Variants in SGCZ observed in about 807,000 individuals in gnomAD.
SGCZ encodes sarcoglycan zeta.
In SGCZ, 40 loss-of-function variants were observed where a neutral mutation model predicts 41.3. That is an observed-to-expected ratio of 0.97 (90% confidence interval 0.75 to 1.26). The LOEUF is 1.26. Among genes scored for constraint, SGCZ ranks in the 50% most tolerant of loss-of-function variants. SGCZ has a pLI of 0.00. For missense variants in SGCZ, 552 were observed against 369.8 expected, an observed-to-expected ratio of 1.49 and a Z score of -4.04; for synonymous variants, 206 against 137.5, an observed-to-expected ratio of 1.50 and a Z score of -3.49.
intron 1 of SGCZ, among the ~76,000 whole-genome samples, chr8:14,570,184 C>A (rs968669160): frequency 1.3e-5 from 2 of 152,072 alleles, no homozygotes; most frequent in Admixed American, 1.3e-4. Context: ...TCAAGCAGAG[C>A]AGGTAGGTGC....
chr8:14,420,565 A>T (rs1799611561), intron 2 of SGCZ, among the ~76,000 whole-genome samples: 2 of 151,936 alleles, frequency 1.3e-5, no homozygotes, highest in African/African-American at 2.4e-5. Flanking sequence ...TTCCTCCTTC[A>T]GTTACCCAAC....
chr8:14,576,136 T>C (rs1234839184), intron 1 of SGCZ, among the ~76,000 whole-genome samples: 5 of 152,294 alleles, frequency 3.3e-5, no homozygotes, highest in East Asian at 1.9e-4. Flanking sequence ...TCTGTTAACT[T>C]GTATGTGAGA....
chr8:15,144,889 C>A (rs923650928), intron 1 of SGCZ, among the ~76,000 whole-genome samples: 2 of 152,192 alleles, frequency 1.3e-5, no homozygotes, highest in African/African-American at 4.8e-5. Context: ...TATTGTGGTG[C>A]TGTATGTAAC....
At chr8:14,578,472 A>C (rs1278936380) in intron 1 of SGCZ, among the ~76,000 whole-genome samples, 1 of 152,218 alleles carries the variant, frequency 6.6e-6, no homozygotes, top group African/African-American at 2.4e-5. Flanking sequence ...CTGTGACCAC[A>C]TGACTAAATA....
intron 4 of SGCZ, among the ~76,000 whole-genome samples, chr8:14,178,271 A>C (rs1446160800): frequency 6.6e-6 from 1 of 151,998 alleles, no homozygotes; most frequent in Non-Finnish European, 1.5e-5. Flanking sequence ...TTTTTCTTAT[A>C]CAGTTCAGTC....
At chr8:14,217,162 G>A (rs1394359477) in intron 4 of SGCZ, among the ~76,000 whole-genome samples, 1 of 151,964 alleles carries the variant, frequency 6.6e-6, no homozygotes, top group Non-Finnish European at 1.5e-5. Flanking sequence ...CCGGCATGGT[G>A]GCAGGCACCT....
At chr8:14,162,209 A>G (rs1205267070) in intron 5 of SGCZ, among the ~76,000 whole-genome samples, 1 of 152,176 alleles carries the variant, frequency 6.6e-6, no homozygotes, top group Non-Finnish European at 1.5e-5. Flanking sequence ...GAAGAAGTGA[A>G]AATTCCATGA....
intron 1 of SGCZ, among the ~76,000 whole-genome samples, chr8:14,809,984 G>A (rs1013398560): frequency 9.2e-5 from 14 of 152,024 alleles, no homozygotes; most frequent in African/African-American, 2.9e-4. Context: ...AGAAACTCAA[G>A]CTGGCATATA....
At chr8:14,102,017 C>T (rs1474699558) in intron 7 of SGCZ, among the ~76,000 whole-genome samples, 7 of 150,798 alleles carry the variant, frequency 4.6e-5, no homozygotes, top group Admixed American at 2.0e-4. Flanking sequence ...CGACATTCTC[C>T]TGCCTCAGCC....
intron 1 of SGCZ, among the ~76,000 whole-genome samples, chr8:14,847,788 T>TAA (rs200291523): frequency 0.016 from 1,690 of 105,042 alleles, 17 homozygotes; most frequent in African/African-American, 0.023. Context: ...TAGTTAATGG[T>TAA]AAAAAAAAAA....
intron 2 of SGCZ, among the ~76,000 whole-genome samples, chr8:14,479,731 CTTTTT>C (rs529812029): frequency 5.7e-5 from 3 of 52,976 alleles, no homozygotes; most frequent in Admixed American, 2.3e-4. Flanking sequence ...AATTCTACTT[CTTTTT>C]TTTTTTTTTT....
intron 1 of SGCZ, among the ~76,000 whole-genome samples, chr8:14,948,877 TTCTCTC>T (rs3069796): frequency 1.5e-5 from 2 of 130,764 alleles, no homozygotes; most frequent in African/African-American, 5.0e-5. Context: ...TACAGCTTTT[TTCTCTC>T]TCTCTCTCTC....
At chr8:14,924,625 T>C (rs559901503) in intron 1 of SGCZ, among the ~76,000 whole-genome samples, 1 of 152,242 alleles carries the variant, frequency 6.6e-6, no homozygotes, top group Admixed American at 6.5e-5. Flanking sequence ...GTGTTCATGG[T>C]GGGCAATGTT....
chr8:14,292,500 T>A (rs1433041252), intron 3 of SGCZ, among the ~76,000 whole-genome samples: 1 of 152,042 alleles, frequency 6.6e-6, no homozygotes, highest in Admixed American at 6.6e-5. Context: ...GAATTCAACA[T>A]ACTCTGAAGA....
intron 1 of SGCZ, among the ~76,000 whole-genome samples, chr8:15,173,004 A>G (rs1799890407): frequency 6.6e-6 from 1 of 152,224 alleles, no homozygotes; most frequent in Non-Finnish European, 1.5e-5. Context: ...TTGGATAACA[A>G]TGTTGTGATA....
intron 2 of SGCZ, among the ~76,000 whole-genome samples, chr8:14,448,921 A>G (rs968635859): frequency 1.3e-5 from 2 of 152,186 alleles, no homozygotes; most frequent in African/African-American, 4.8e-5. Context: ...GCATGACCAA[A>G]AAAGTTAATC....
intron 1 of SGCZ, among the ~76,000 whole-genome samples, chr8:15,124,226 AT>A (rs1360624309): frequency 1.3e-5 from 2 of 152,204 alleles, no homozygotes; most frequent in Non-Finnish European, 2.9e-5. Context: ...TTTGATTTCA[AT>A]TTGAAAAGCA....
intron 1 of SGCZ, among the ~76,000 whole-genome samples, chr8:15,212,597 G>A (rs1801268330): frequency 6.6e-6 from 1 of 151,996 alleles, no homozygotes; most frequent in African/African-American, 2.4e-5. Context: ...GGAATAATAT[G>A]TTATCTGTCA....
chr8:14,575,932 A>AAAAAAAAAAAG (rs1563126402), intron 1 of SGCZ, among the ~76,000 whole-genome samples: 2 of 136,434 alleles, frequency 1.5e-5, no homozygotes, highest in Non-Finnish European at 3.1e-5. Flanking sequence ...AAAAAAAAAA[A>AAAAAAAAAAAG]AAAGAAAGAA....
Sources: allele counts gnomAD v4.1 joint callset (sites outside exome capture counted in the v4.1 genomes callset), GRCh38; gene constraint gnomAD v4.1.1; transcripts MANE v1.5; gene names NCBI Gene and HGNC (gene_info 2026-07-23, HGNC 2026-07-21).